Variants in UBLCP1 observed in about 807,000 individuals in gnomAD.
UBLCP1 encodes the protein ubiquitin like domain containing CTD phosphatase 1.
A neutral mutation model predicts 42.4 loss-of-function variants in UBLCP1; 28 were observed. The observed-to-expected ratio is 0.66, with a 90% CI of 0.49 to 0.90. UBLCP1 has a LOEUF of 0.90. UBLCP1 is among the 40% of genes least tolerant of loss of function. The probability of loss-of-function intolerance (pLI) is 0.00; values close to 1 mark genes in which losing one functional copy is unlikely to be tolerated. For missense variants in UBLCP1, 279 were observed against 374.5 expected, an observed-to-expected ratio of 0.75 and a Z score of 2.10; for synonymous variants, 122 against 120.8, an observed-to-expected ratio of 1.01 and a Z score of -0.07.
chr5:159,284,415 T>C (rs1464118417), intron 10 of UBLCP1, among the ~76,000 whole-genome samples: 1 of 152,254 alleles, frequency 6.6e-6, no homozygotes, highest in East Asian at 1.9e-4. Context: ...TAATGTCTTA[T>C]ATCTTTTACA....
intron 8 of UBLCP1, 157 bp downstream of exon 8, chr5:159,275,403 ATTTTTTTTTT>A (rs56675251): frequency 1.6e-4 from 27 of 164,414 alleles, no homozygotes; most frequent in Middle Eastern, 2.3e-3. Context: ...AGGTTAAAAG[ATTTTTTTTTT>A]TTTTTTTTTT....
Position 159,272,097 on chromosome 5 carries a change from G to A in UBLCP1, c.523G>A (p.Glu175Lys). ...TCATGAATTTCTAACATCTGCCTAT[G>A]AAGATTATGACATTGTTATTTGGTG... ...YLHEFLTSAYEDYDIVIWSAT... is the reference protein window; with the variant it reads ...YLHEFLTSAYKDYDIVIWSAT... The change falls in exon 6 of 11, where the codon GAA becomes AAA. Residue 175 changes from glutamate (E) to lysine (K), a missense_variant. Coordinates refer to ENST00000296786, the MANE Select transcript of UBLCP1 (RefSeq NM_145049.5). 1.2e-6 allele frequency: 2 copies of A among 1,613,166 alleles called. No homozygotes were observed. The highest frequency in any genetic ancestry group is 1.7e-6 in the Non-Finnish European group (2 of 1,179,644).
At chr5:159,276,550 G>A (rs1753539760) in intron 8 of UBLCP1, among the ~76,000 whole-genome samples, 2 of 152,110 alleles carry the variant, frequency 1.3e-5, no homozygotes, top group Non-Finnish European at 2.9e-5. Flanking sequence ...TTTTATAACA[G>A]TGAAAAATTA....
intron 5 of UBLCP1, among the ~76,000 whole-genome samples, chr5:159,270,857 T>TCTATATATATATATATATATA (rs1753456483): frequency 8.0e-6 from 1 of 124,784 alleles, no homozygotes; most frequent in Non-Finnish European, 1.8e-5. Flanking sequence ...CCACTCTTAG[T>TCTATATATATATATATATATA]AATTTGATAT....
At chr5:159,275,403 ATTTTTTTTTTTT>A (rs56675251) in intron 8 of UBLCP1, 157 bp downstream of exon 8, 4 of 164,412 alleles carry the variant, frequency 2.4e-5, no homozygotes, top group African/African-American at 5.7e-5. Flanking sequence ...AGGTTAAAAG[ATTTTTTTTTTTT>A]TTTTTTTTTT....
intron 10 of UBLCP1, among the ~76,000 whole-genome samples, chr5:159,284,297 C>T (rs1045066947): frequency 6.6e-6 from 1 of 152,164 alleles, no homozygotes; most frequent in Non-Finnish European, 1.5e-5. Context: ...CTTTCCCCAT[C>T]CCCACACCAC....
intron 8 of UBLCP1, among the ~76,000 whole-genome samples, chr5:159,276,279 T>C (rs1386465223): frequency 6.6e-6 from 1 of 152,120 alleles, no homozygotes; most frequent in Non-Finnish European, 1.5e-5. Context: ...CAGAGCAAGA[T>C]TCTGTCTCAA....
chr5:159,269,017 C>G lies in UBLCP1; in HGVS notation c.102C>G (p.Thr34=), dbSNP rs201780569. The change falls in exon 2 of 11, where the codon ACC becomes ACG. Residue 34 remains threonine, a synonymous_variant. Coordinates refer to ENST00000296786, the MANE Select transcript of UBLCP1 (RefSeq NM_145049.5). ...TCGATCTCAAACAGTTTCTCAAGAC[C>G]CTTACAGGAGTTCTTCCAGAACGCC... ...TVLDLKQFLK[T]LTGVLPERQK... 7 of 1,607,030 alleles carry G rather than the reference C, an allele frequency of 4.4e-6. No individual in the cohort carries two copies. The Admixed American group carries it at 1.2e-4, about 27-fold the overall frequency.
chr5:159,274,794 T>C (rs1364236435), intron 7 of UBLCP1, among the ~76,000 whole-genome samples, 172 bp downstream of exon 7: 1 of 152,204 alleles, frequency 6.6e-6, no homozygotes, highest in African/African-American at 2.4e-5. Context: ...TGGATTGTAC[T>C]GAATCCCTAA....
chr5:159,271,937 TA>T, intron 5 of UBLCP1, 85 bp from the exon 6 acceptor site: 1 of 901,406 alleles, frequency 1.1e-6, no homozygotes, highest in Non-Finnish European at 1.7e-6. Flanking sequence ...TTGCATTTCG[TA>T]ATATATTACA....
At chr5:159,267,781 C>T (rs746368244) in intron 1 of UBLCP1, among the ~76,000 whole-genome samples, 3 of 152,154 alleles carry the variant, frequency 2.0e-5, no homozygotes, top group Non-Finnish European at 2.9e-5. Flanking sequence ...CAGGGGTTTC[C>T]GCTTTTGCTT....
intron 1 of UBLCP1, among the ~76,000 whole-genome samples, chr5:159,267,877 A>G (rs1753417919): frequency 1.3e-5 from 2 of 152,236 alleles, no homozygotes; most frequent in South Asian, 4.1e-4. Flanking sequence ...CCATTCTGCA[A>G]CTGTAAAGTC....
At chr5:159,275,070 A>T in intron 7 of UBLCP1, 78 bp from the exon 8 acceptor site, 1 of 1,270,914 alleles carries the variant, frequency 7.9e-7, no homozygotes, top group Admixed American at 1.8e-5. Flanking sequence ...ATTATGAGAA[A>T]TTGCAGCTAG....
rs1443574636 is a variant in UBLCP1 at position 159,269,812 on chromosome 5, T to G, written c.155-96T>G. Reference sequence around the variant, plus strand: ...AAACAACAAAAATTGCTGTGACATCTGTACCAAACCTTTTAATGTTAGGGT... The same window carrying G: ...AAACAACAAAAATTGCTGTGACATCGGTACCAAACCTTTTAATGTTAGGGT... On this transcript the variant is annotated intron_variant, in intron 2 of 10. Coordinates refer to ENST00000296786, the MANE Select transcript of UBLCP1 (RefSeq NM_145049.5). The G allele has an allele frequency of 4.1e-5, 40 of 965,622 alleles. 1 individual carries two copies. The Middle Eastern group carries it at 1.0e-3, about 25-fold the overall frequency. The allele number at this position is 965,622 out of a possible 1,614,324, so 59.8% of individuals were successfully genotyped here. A position where few individuals can be genotyped will look rare whatever the true frequency, so the allele number is the denominator to read the frequency against.
At chr5:159,268,748 G>T in intron 1 of UBLCP1, 122 bp from the exon 2 acceptor site, 1 of 659,142 alleles carries the variant, frequency 1.5e-6, no homozygotes, top group South Asian at 2.4e-5. Flanking sequence ...CTCCTGTATG[G>T]ACAAAAATCC....
intron 1 of UBLCP1, among the ~76,000 whole-genome samples, chr5:159,264,213 G>A (rs146677667): frequency 4.6e-5 from 7 of 152,254 alleles, no homozygotes; most frequent in African/African-American, 1.7e-4. Flanking sequence ...AACCTAAACA[G>A]CTATTCTTGA....
At chr5:159,272,189 A>G in intron 6 of UBLCP1, 68 bp downstream of exon 6, 1 of 1,274,112 alleles carries the variant, frequency 7.8e-7, no homozygotes, top group Non-Finnish European at 1.1e-6. Flanking sequence ...GTGCTGTATA[A>G]AATGTGACTT....
At chr5:159,273,882 A>G (rs1753502165) in intron 6 of UBLCP1, among the ~76,000 whole-genome samples, 1 of 151,306 alleles carries the variant, frequency 6.6e-6, no homozygotes, top group Non-Finnish European at 1.5e-5. Context: ...CAAATAATTA[A>G]ATTGCTTTTT....
chr5:159,282,662 T>C (rs1163107112), intron 9 of UBLCP1, among the ~76,000 whole-genome samples: 3 of 152,106 alleles, frequency 2.0e-5, no homozygotes, highest in Non-Finnish European at 4.4e-5. Context: ...AACTCTTGCA[T>C]AATTAAAAAT....
Sources: gnomAD v4.1 joint callset for allele counts (sites outside exome capture counted in the v4.1 genomes callset) on GRCh38, gnomAD v4.1.1 for gene constraint, MANE v1.5 for transcripts, NCBI Gene and HGNC (gene_info 2026-07-23, HGNC 2026-07-21) for gene names.